The following FHIT variants were observed in gnomAD, a reference collection of about 807,000 sequenced individuals.
FHIT encodes the protein fragile histidine triad diadenosine triphosphatase.
A neutral mutation model predicts 17.9 loss-of-function variants in FHIT; 19 were observed. The observed-to-expected ratio is 1.06, with a 90% CI of 0.74 to 1.56. FHIT has a LOEUF of 1.56. Ranked by LOEUF, FHIT falls within the 40% of genes most tolerant of loss-of-function variation. The probability of loss-of-function intolerance (pLI) is 0.00; values close to 1 mark genes in which losing one functional copy is unlikely to be tolerated. For missense variants in FHIT, 248 were observed against 189.2 expected (o/e 1.31, Z -1.82); for synonymous variants, 81 against 69.7 (o/e 1.16, Z -0.81).
At chr3:60,450,316 G>A (rs2031651070) in intron 5 of FHIT, among the ~76,000 whole-genome samples, 1 of 152,040 alleles carries the variant, frequency 6.6e-6, no homozygotes, top group Non-Finnish European at 1.5e-5. Flanking sequence ...TGGGGCCACT[G>A]TCATATATGT....
intron 2 of FHIT, among the ~76,000 whole-genome samples, chr3:61,085,110 C>T (rs1290602235): frequency 6.6e-6 from 1 of 152,144 alleles, no homozygotes; most frequent in Non-Finnish European, 1.5e-5. Context: ...AACAACATTG[C>T]TATAAATGTA....
chr3:60,201,058 G>C (rs540081625), intron 5 of FHIT, among the ~76,000 whole-genome samples: 7 of 152,178 alleles, frequency 4.6e-5, no homozygotes, highest in African/African-American at 1.7e-4. Context: ...ATAGAACAAC[G>C]TGGGTGGAAA....
chr3:60,326,086 A>G (rs1471158033), intron 5 of FHIT, among the ~76,000 whole-genome samples: 4 of 151,760 alleles, frequency 2.6e-5, no homozygotes, highest in East Asian at 3.9e-4. Context: ...TCAGTCCCCA[A>G]CCTTTCTGGT....
At chr3:61,136,887 A>G (rs1344488509) in intron 2 of FHIT, among the ~76,000 whole-genome samples, 1 of 152,252 alleles carries the variant, frequency 6.6e-6, no homozygotes, top group East Asian at 1.9e-4. Flanking sequence ...ATGTCAATGG[A>G]TTGCAACCAT....
intron 5 of FHIT, among the ~76,000 whole-genome samples, chr3:60,136,734 C>T (rs1023974441): frequency 1.7e-4 from 26 of 152,128 alleles, no homozygotes; most frequent in African/African-American, 5.6e-4. Flanking sequence ...CATCAGCCCA[C>T]GAAATGAGTT....
intron 3 of FHIT, among the ~76,000 whole-genome samples, chr3:60,946,988 C>CA (rs1181609581): frequency 6.6e-6 from 1 of 152,200 alleles, no homozygotes. Context: ...TAAATGTAAA[C>CA]AGTCAGATGT....
intron 5 of FHIT, among the ~76,000 whole-genome samples, chr3:60,407,292 G>C (rs544067420): frequency 6.6e-6 from 1 of 151,718 alleles, no homozygotes; most frequent in East Asian, 1.9e-4. Context: ...AAAAAATGTC[G>C]GAAAAGCCTA....
At chr3:61,054,723 G>A (rs2034154676) in intron 2 of FHIT, among the ~76,000 whole-genome samples, 1 of 152,076 alleles carries the variant, frequency 6.6e-6, no homozygotes, top group South Asian at 2.1e-4. Flanking sequence ...GAGAACACTG[G>A]TCTCCTGGTC....
intron 4 of FHIT, among the ~76,000 whole-genome samples, chr3:60,732,926 T>A (rs1553711742): frequency 6.6e-6 from 1 of 152,210 alleles, no homozygotes; most frequent in South Asian, 2.1e-4. Context: ...CCTCAGGTGA[T>A]CGGCCCACCT....
chr3:60,182,721 T>A (rs979509135), intron 5 of FHIT, among the ~76,000 whole-genome samples: 8 of 151,974 alleles, frequency 5.3e-5, no homozygotes, highest in Non-Finnish European at 7.4e-5. Context: ...AGCTTGACAC[T>A]GCAGTGAGCT....
At chr3:60,082,119 C>T (rs1479646571) in intron 5 of FHIT, among the ~76,000 whole-genome samples, 2 of 150,172 alleles carry the variant, frequency 1.3e-5, no homozygotes, top group African/African-American at 4.9e-5. Context: ...TCCTTGACCC[C>T]CTCCTTCCCT....
intron 8 of FHIT, among the ~76,000 whole-genome samples, chr3:59,844,774 T>C (rs1184536447): frequency 3.3e-5 from 5 of 152,202 alleles, no homozygotes; most frequent in African/African-American, 7.2e-5. Context: ...TATTGGTCTG[T>C]AGTTTTTTTG....
chr3:60,707,868 C>A (rs2041414220), intron 4 of FHIT, among the ~76,000 whole-genome samples: 1 of 152,164 alleles, frequency 6.6e-6, no homozygotes, highest in South Asian at 2.1e-4. Flanking sequence ...TTTTTATCTT[C>A]CTGACATTAG....
chr3:60,789,352 A>C (rs2108115914), intron 4 of FHIT, among the ~76,000 whole-genome samples: 1 of 152,176 alleles, frequency 6.6e-6, no homozygotes, highest in African/African-American at 2.4e-5. Context: ...CCCTATCTCT[A>C]CTGAAAATAC....
intron 2 of FHIT, among the ~76,000 whole-genome samples, chr3:61,165,011 T>C (rs532601729): frequency 1.3e-5 from 2 of 152,260 alleles, no homozygotes; most frequent in African/African-American, 2.4e-5. Flanking sequence ...ATGGTATATA[T>C]GTACCACATT....
chr3:60,832,892 C>T (rs1273462806), intron 3 of FHIT, among the ~76,000 whole-genome samples: 1 of 152,160 alleles, frequency 6.6e-6, no homozygotes, highest in African/African-American at 2.4e-5. Context: ...GTGTACTTTA[C>T]ATTTAAGGCC....
chr3:60,640,217 G>A (rs1360477885), intron 4 of FHIT, among the ~76,000 whole-genome samples: 15 of 152,110 alleles, frequency 9.9e-5, no homozygotes, highest in African/African-American at 3.1e-4. Flanking sequence ...TGGACTCATG[G>A]GTGTATCCCT....
intron 3 of FHIT, among the ~76,000 whole-genome samples, chr3:60,875,408 C>T (rs1259982614): frequency 2.0e-5 from 3 of 152,124 alleles, no homozygotes; most frequent in Non-Finnish European, 4.4e-5. Context: ...TCCTTAAATG[C>T]CAAGTTAGTT....
At chr3:61,182,649 C>A (rs751403145) in intron 2 of FHIT, among the ~76,000 whole-genome samples, 1 of 151,978 alleles carries the variant, frequency 6.6e-6, no homozygotes, top group Non-Finnish European at 1.5e-5. Context: ...TTCTCAACAC[C>A]CCTCCATCCT....
Sources: allele counts gnomAD v4.1 joint callset (sites outside exome capture counted in the v4.1 genomes callset), GRCh38; gene constraint gnomAD v4.1.1; transcripts MANE v1.5; gene names NCBI Gene and HGNC (gene_info 2026-07-23, HGNC 2026-07-21).